ERC1: variants seen among roughly 807,000 people sequenced by gnomAD.
ERC1 encodes the protein RAB6 interacting protein 2.
Under a neutral mutation model 132.0 loss-of-function variants are expected in ERC1, and 56 were observed. The ratio of observed to expected loss-of-function variants is 0.42; its 90% CI spans 0.34 to 0.53. The LOEUF (loss-of-function observed/expected upper bound fraction) is 0.53, where lower values mean the gene tolerates loss of function less well. ERC1 is among the 20% of genes least tolerant of loss of function. ERC1 has a pLI of 0.03. For missense variants in ERC1, 1,202 were observed against 1,349.9 expected, an observed-to-expected ratio of 0.89 and a Z score of 1.72; for synonymous variants, 478 against 476.1, an observed-to-expected ratio of 1.00 and a Z score of -0.05.
At chr12:1,146,921 G>A (rs1950433546) in intron 8 of ERC1, among the ~76,000 whole-genome samples, 1 of 152,038 alleles carries the variant, frequency 6.6e-6, no homozygotes, top group Non-Finnish European at 1.5e-5. Flanking sequence ...ATGGTTTCCA[G>A]TTTCATCCAT....
chr12:1,181,952 C>A lies in ERC1; in HGVS notation c.1903C>A (p.Gln635Lys). The A allele has an allele frequency of 6.2e-7, 1 of 1,613,762 alleles. No homozygotes were observed. The highest frequency in any genetic ancestry group is 8.5e-7 in the Non-Finnish European group (1 of 1,179,824). ...GCGGACAATTGAACGCTTAAAGGAG[C>A]AGAGGGACAGAGATGAGCGAGAGAA... ...KERTIERLKE[Q>K]RDRDEREKQE... The change falls in exon 10 of 19, where the codon CAG (glutamine) becomes AAG (lysine). Residue 635 changes from glutamine (Q) to lysine (K), a missense_variant. Transcript: ENST00000360905.
intron 18 of ERC1, among the ~76,000 whole-genome samples, chr12:1,479,119 TTC>T (rs1242097711): frequency 1.3e-5 from 2 of 152,212 alleles, no homozygotes; most frequent in Non-Finnish European, 2.9e-5. Context: ...TTTTTCCGTG[TTC>T]TCTTTTCGTC....
Position 1,270,503 on chromosome 12 carries a change from C to T in ERC1, c.2619+7338C>T, listed in dbSNP as rs565065706. Among the ~76,000 whole-genome samples, 16 of 152,186 alleles carry T rather than the reference C, an allele frequency of 1.1e-4. No individual in the cohort carries two copies. In the South Asian group the frequency reaches 1.2e-3, roughly 12 times the overall value. On this transcript the variant is annotated intron_variant, in intron 14 of 18. Transcript: ENST00000360905. Reference sequence around the variant, plus strand: ...GATTACAGGCGTGAGCCACTGTGCCCGGTCTGAACCTTTATCTTTCTATTA... The same window carrying T: ...GATTACAGGCGTGAGCCACTGTGCCTGGTCTGAACCTTTATCTTTCTATTA...
At chr12:1,458,136 T>C (rs1317838426) in intron 18 of ERC1, among the ~76,000 whole-genome samples, 2 of 152,166 alleles carry the variant, frequency 1.3e-5, no homozygotes, top group Non-Finnish European at 2.9e-5. Context: ...CTAGCATAGC[T>C]GGTGTGTTTG....
chr12:1,372,330 T>C (rs1167450530), intron 16 of ERC1, among the ~76,000 whole-genome samples: 1 of 152,150 alleles, frequency 6.6e-6, no homozygotes, highest in Non-Finnish European at 1.5e-5. Flanking sequence ...CCACTAAGGA[T>C]ATTTTCATGA....
At chr12:1,067,299 C>A (rs1939397025) in intron 2 of ERC1, among the ~76,000 whole-genome samples, 1 of 152,062 alleles carries the variant, frequency 6.6e-6, no homozygotes, top group Admixed American at 6.6e-5. Context: ...GCATCAGGTT[C>A]TATAAAATTT....
intron 15 of ERC1, among the ~76,000 whole-genome samples, chr12:1,325,909 T>TA (rs2082415532): frequency 6.6e-6 from 1 of 152,184 alleles, no homozygotes; most frequent in Non-Finnish European, 1.5e-5. Flanking sequence ...GATCAATTGT[T>TA]ACCATTGTAT....
At chr12:1,388,361 A>AAAAAG (rs2089610764) in intron 16 of ERC1, among the ~76,000 whole-genome samples, 1 of 151,626 alleles carries the variant, frequency 6.6e-6, no homozygotes, top group Non-Finnish European at 1.5e-5. Context: ...AAAAAAAAAA[A>AAAAAG]AAAAAAATTA....
intron 16 of ERC1, among the ~76,000 whole-genome samples, chr12:1,376,406 CAT>C (rs35963463): frequency 0.4 from 61,486 of 151,854 alleles, 13,656 homozygotes; most frequent in African/African-American, 0.59. Context: ...TGATTTTCCA[CAT>C]GTTACCTCCC....
At chr12:1,264,580 C>T (rs1170339188) in intron 14 of ERC1, among the ~76,000 whole-genome samples, 2 of 151,960 alleles carry the variant, frequency 1.3e-5, no homozygotes, top group South Asian at 2.1e-4. Flanking sequence ...AGGAGAATGG[C>T]GTGAACCTGG....
In ERC1 at chr12:1,339,396, C is replaced by T. The variant is rs559607293; in HGVS notation, c.2781-32437C>T. 3.4e-3 allele frequency among the ~76,000 whole-genome samples: 468 copies of T among 136,690 alleles called. 1 individual carries two copies. Among genetic ancestry groups the T allele is most frequent in the Non-Finnish European group, 5.5e-3 (343 of 62,760 alleles). The allele number at this position is 136,690 out of a possible 152,430, so 89.7% of individuals were successfully genotyped here. On this transcript the variant is annotated intron_variant, in intron 15 of 18. Transcript: ENST00000360905. ...ATTCACTGCAGTGGCAGAGGCAGCTCAGCTGGACAACTGTGACGGGGTGCT... is the reference window on the plus strand; with the variant it reads ...ATTCACTGCAGTGGCAGAGGCAGCTTAGCTGGACAACTGTGACGGGGTGCT...
intron 2 of ERC1, 89 bp downstream of exon 2, chr12:1,028,661 T>G: frequency 9.7e-7 from 1 of 1,028,932 alleles, no homozygotes; most frequent in Non-Finnish European, 1.4e-6. Context: ...ATTTTTCCCT[T>G]CGTAGTATAT....
intron 18 of ERC1, among the ~76,000 whole-genome samples, chr12:1,454,199 G>A (rs912669655): frequency 3.3e-5 from 5 of 152,152 alleles, no homozygotes; most frequent in East Asian, 3.8e-4. Context: ...CCGAACACAC[G>A]GAGGTGCTGG....
chr12:1,339,013 C>A (rs77074219), intron 15 of ERC1, among the ~76,000 whole-genome samples: 4 of 152,204 alleles, frequency 2.6e-5, no homozygotes, highest in Non-Finnish European at 4.4e-5. Flanking sequence ...CAGCAGGATC[C>A]GTCCTCATTT....
intron 15 of ERC1, among the ~76,000 whole-genome samples, chr12:1,348,745 C>T (rs2084722500): frequency 6.6e-6 from 1 of 151,982 alleles, no homozygotes; most frequent in Non-Finnish European, 1.5e-5. Flanking sequence ...AGATTTCCTA[C>T]TCAGGACTTA....
At chr12:1,342,762 G>A (rs1229552402) in intron 15 of ERC1, among the ~76,000 whole-genome samples, 3 of 152,164 alleles carry the variant, frequency 2.0e-5, no homozygotes, top group East Asian at 3.9e-4. Flanking sequence ...AAGAAATTTA[G>A]TATTGCTAGA....
chr12:1,441,351 G>T (rs183060828), intron 17 of ERC1, among the ~76,000 whole-genome samples: 1 of 152,186 alleles, frequency 6.6e-6, no homozygotes, highest in East Asian at 1.9e-4. Flanking sequence ...ATGAGCCACC[G>T]TGCCCGGCTG....
chr12:1,315,798 AAGAC>A (rs1205432875), intron 15 of ERC1, among the ~76,000 whole-genome samples: 3 of 152,246 alleles, frequency 2.0e-5, no homozygotes, highest in African/African-American at 7.2e-5. Context: ...AGTTCATAGA[AAGAC>A]AGTGAAGTGA....
chr12:1,407,277 T>A (rs559003620), intron 16 of ERC1, among the ~76,000 whole-genome samples: 9 of 150,906 alleles, frequency 6.0e-5, no homozygotes, highest in African/African-American at 1.7e-4. Flanking sequence ...GAAAAGCTAT[T>A]TATATATATA....
Sources: allele counts gnomAD v4.1 joint callset (sites outside exome capture counted in the v4.1 genomes callset), GRCh38; gene constraint gnomAD v4.1.1; transcripts MANE v1.5; gene names NCBI Gene and HGNC (gene_info 2026-07-23, HGNC 2026-07-21).